WDR81: variants seen among roughly 807,000 people sequenced by gnomAD.
WDR81 encodes the protein WD repeat domain 81, also known as WD repeat-containing protein 81.
A neutral mutation model predicts 140.8 loss-of-function variants in WDR81; 92 were observed. The observed-to-expected ratio is 0.65, with a 90% CI of 0.55 to 0.78. WDR81 has a LOEUF of 0.78. Ranked by LOEUF, WDR81 falls within the 30% of genes least tolerant of loss-of-function variation. The probability of loss-of-function intolerance (pLI) is 0.00; values close to 1 mark genes in which losing one functional copy is unlikely to be tolerated. For missense variants in WDR81, 2,502 were observed against 2,636.4 expected (o/e 0.95, Z 1.12); for synonymous variants, 1,183 against 1,156.4 (o/e 1.02, Z -0.47).
rs1389419802 is a variant in WDR81, at chr17:1,725,230, C to T, written c.271C>T (p.Leu91=). Residue 91 remains leucine, a synonymous_variant, in exon 1 of 10, where the codon CTG becomes TTG. Coordinates refer to ENST00000409644, the MANE Select transcript of WDR81 (RefSeq NM_001163809.2). ...GLGEAEVRTL[L]QRSVQRLPAG... ...GGGAGAAGCGGAAGTCAGGACTCTC[C>T]TGCAGCGCTCTGTGCAAAGGCTGCC... 1.9e-6 allele frequency: 3 copies of T among 1,540,734 alleles called. No individual in the cohort carries two copies. Among genetic ancestry groups the T allele is most frequent in the South Asian group, 1.2e-5 (1 of 84,066 alleles).
Position 1,734,329 on chromosome 17 carries a change from C to T in WDR81, c.5179+113C>T, listed in dbSNP as rs183276785. The stretch of plus-strand genomic sequence containing the variant: ...TGCTGCGGAGTTTGGGGAGACCCAG[C>T]GAGGCCGCCTAGGAGAACAGTTAGG... On this transcript the variant is annotated intron_variant, in intron 7 of 9. Coordinates refer to ENST00000409644, the MANE Select transcript of WDR81 (RefSeq NM_001163809.2). 7.0e-6 allele frequency: 9 copies of T among 1,277,766 alleles called. No individual in the cohort carries two copies. The Admixed American group carries it at 8.8e-5, about 12-fold the overall frequency. The allele number at this position is 1,277,766 out of a possible 1,614,324, so 79.2% of individuals were successfully genotyped here.
chr17:1,726,815 G>A lies in WDR81; in HGVS notation c.1856G>A (p.Arg619Gln), dbSNP rs1374789355. The change falls in exon 1 of 10, where the codon CGG (arginine) becomes CAG (glutamine). Residue 619 changes from arginine (R) to glutamine (Q), a missense_variant. This residue lies in a region of WDR81 where 1,737 missense variants were observed against 1,843.0 expected (regional missense o/e 0.94). Transcript: ENST00000409644. ...LVQTIQETTGREDFTENPGQL... is the reference protein window; with the variant it reads ...LVQTIQETTGQEDFTENPGQL... ...CAGACCATCCAGGAGACCACAGGCCGGGAGGACTTCACGGAAAACCCGGGA... is the reference window on the plus strand; with the variant it reads ...CAGACCATCCAGGAGACCACAGGCCAGGAGGACTTCACGGAAAACCCGGGA... 1.2e-5 allele frequency: 19 copies of A among 1,549,582 alleles called. No homozygotes were observed. Among genetic ancestry groups the A allele is most frequent in the Middle Eastern group, 1.7e-4 (1 of 6,014 alleles).
chr17:1,730,800 C>T lies in WDR81; in HGVS notation c.3821C>T (p.Pro1274Leu), dbSNP rs371886257. The change falls in exon 3 of 10, where the codon CCG becomes CTG. Residue 1274 changes from proline (P) to leucine (L), a missense_variant. Pro to Leu is a moderately conservative substitution (Grantham distance 98). Transcript: ENST00000409644. Reference protein sequence around the residue: ...QFTVSSGESPPLSAGNIYQKR... With the variant: ...QFTVSSGESPLLSAGNIYQKR... ...ACAGTGAGCAGTGGCGAGAGCCCAC[C>T]GCTGAGCGCCGGCAACATCTACCAG... The T allele has an allele frequency of 1.2e-5, 19 of 1,612,282 alleles. No individual in the cohort carries two copies. The highest frequency in any genetic ancestry group is 5.5e-5 in the South Asian group (5 of 91,070).
chr17:1,722,755 T>C (rs1189083749), upstream of WDR81, among the ~76,000 whole-genome samples: 82 of 146,852 alleles, frequency 5.6e-4, no homozygotes, highest in East Asian at 2.7e-3. Flanking sequence ...TGCAGTGGTG[T>C]GATCTCAGCT....
chr17:1,722,787 G>A (rs2151157635), upstream of WDR81, among the ~76,000 whole-genome samples: 1 of 151,380 alleles, frequency 6.6e-6, no homozygotes, highest in South Asian at 2.1e-4. Flanking sequence ...CCGCCTCCCA[G>A]GTTCAAGCGA....
rs760298834 is a variant in WDR81 at position 1,736,228 on chromosome 17, C to T, written c.5505+10C>T. The T allele has an allele frequency of 1.8e-5, 28 of 1,591,580 alleles. No homozygotes were observed. Among genetic ancestry groups the T allele is most frequent in the South Asian group, 4.4e-5 (4 of 90,360 alleles). On this transcript the variant is annotated intron_variant, in intron 9 of 9. Coordinates refer to ENST00000409644, the MANE Select transcript of WDR81 (RefSeq NM_001163809.2). Reference sequence around the variant, plus strand: ...CATTCTGCAGATCAAGGTGACGGGCCGGGTCTCCCTCCCCTTGCTGCCCAA... The same window carrying T: ...CATTCTGCAGATCAAGGTGACGGGCTGGGTCTCCCTCCCCTTGCTGCCCAA...
chr17:1,728,183 A>C lies in WDR81; in HGVS notation c.3224A>C (p.Asp1075Ala). ...TACACGTCTGGCGTCAGCTTCCACGACCAGGCTGACCTCCCTGAGACAGAG... is the reference window on the plus strand; with the variant it reads ...TACACGTCTGGCGTCAGCTTCCACGCCCAGGCTGACCTCCCTGAGACAGAG... The part of the protein sequence containing the change: ...PDYTSGVSFH[D>A]QADLPETEDF... The change falls in exon 1 of 10, where the codon GAC (aspartate) becomes GCC (alanine). Residue 1075 changes from aspartate (D) to alanine (A), a missense_variant. Transcript: ENST00000409644. 1 of 1,605,300 alleles carries C rather than the reference A, an allele frequency of 6.2e-7. No individual in the cohort carries two copies.
upstream of WDR81, among the ~76,000 whole-genome samples, chr17:1,719,777 C>G (rs942276484): frequency 6.6e-6 from 1 of 151,380 alleles, no homozygotes; most frequent in Admixed American, 6.6e-5. Context: ...CTGAGGCAGG[C>G]AGATTGCTTG....
At chr17:1,736,291 C>A in intron 9 of WDR81, 73 bp downstream of exon 9, 1 of 1,513,758 alleles carries the variant, frequency 6.6e-7, no homozygotes, top group South Asian at 1.3e-5. Context: ...TGCTTAGGGT[C>A]TGCCTGCCCG....
chr17:1,731,313 A>G, intron 4 of WDR81, 55 bp downstream of exon 4: 2 of 1,564,320 alleles, frequency 1.3e-6, no homozygotes, highest in Non-Finnish European at 1.7e-6. Flanking sequence ...GGGGCTGCCC[A>G]GGAGGGGGTG....
At chr17:1,729,037 G>A (rs529189640) in intron 1 of WDR81, among the ~76,000 whole-genome samples, 5 of 152,252 alleles carry the variant, frequency 3.3e-5, no homozygotes, top group East Asian at 1.9e-4. Flanking sequence ...GCAGTGGATC[G>A]AGCCAGGACC....
Position 1,725,492 on chromosome 17 carries a change from G to C in WDR81, c.533G>C (p.Arg178Pro), listed in dbSNP as rs1251093261. ...PSAVPALDSV[R>P]QALQRVYGCS... is the part of the protein sequence containing the mutation. Reference sequence around the variant, plus strand: ...GCTGTCCCTGCCTTGGACTCAGTACGGCAGGCTCTGCAGAGGGTCTATGGT... The same window carrying C: ...GCTGTCCCTGCCTTGGACTCAGTACCGCAGGCTCTGCAGAGGGTCTATGGT... The change falls in exon 1 of 10, where the codon CGG becomes CCG. Residue 178 changes from arginine to proline, a missense_variant. Physicochemically the swap from Arg to Pro is moderately radical, Grantham distance 103. Coordinates refer to ENST00000409644, the MANE Select transcript of WDR81 (RefSeq NM_001163809.2). 14 of 1,547,434 alleles carry C rather than the reference G, an allele frequency of 9.0e-6. No homozygotes were observed. The highest frequency in any genetic ancestry group is 1.1e-5 in the Non-Finnish European group (13 of 1,146,894).
chr17:1,730,601 C>T, intron 2 of WDR81, 114 bp downstream of exon 2: 2 of 1,403,988 alleles, frequency 1.4e-6, no homozygotes, highest in African/African-American at 1.4e-5. Context: ...CACCCCCCGG[C>T]CAGGTGCTGG....
chr17:1,732,935 G>T, intron 6 of WDR81, 104 bp downstream of exon 6: 1 of 1,432,844 alleles, frequency 7.0e-7, no homozygotes, highest in Non-Finnish European at 9.4e-7. Flanking sequence ...GGTTCTAAGA[G>T]CCAGCAGGAT....
chr17:1,716,565 G>GT (rs1370427860), exon 1 of WDR81: 11 of 1,551,408 alleles, frequency 7.1e-6, no homozygotes, highest in Admixed American at 3.9e-5. Context: ...CGGCGTCTGC[G>GT]TTTGCAATGC....
chr17:1,733,161 G>A (rs1321794298), intron 6 of WDR81, among the ~76,000 whole-genome samples: 2 of 152,122 alleles, frequency 1.3e-5, no homozygotes, highest in Non-Finnish European at 1.5e-5. Context: ...GGCCCTGCAC[G>A]GTGCTGTGCT....
Position 1,727,012 on chromosome 17 carries a change from G to GCGTCCC in WDR81, c.2055_2060dup (p.Ser686_Pro687dup), listed in dbSNP as rs1216264454. On this transcript the variant is annotated inframe_insertion, in exon 1 of 10. Transcript: ENST00000409644. ...TGACCAGCTGGGCTCCTCCAGTCAA[G>GCGTCCC]CGTCCCCTGGACTTCTCTCTTTCTC... 4.5e-6 allele frequency: 7 copies of GCGTCCC among 1,550,404 alleles called. No homozygotes were observed. In the South Asian group the frequency reaches 8.3e-5, roughly 18 times the overall value.
chr17:1,728,739 G>A, intron 1 of WDR81, 113 bp downstream of exon 1: 2 of 1,318,640 alleles, frequency 1.5e-6, no homozygotes, highest in Admixed American at 3.2e-5. Context: ...CGGATCACAA[G>A]GTCAGGAGAT....
At chr17:1,734,733 C>A (rs538897469) in intron 7 of WDR81, among the ~76,000 whole-genome samples, 1 of 150,578 alleles carries the variant, frequency 6.6e-6, no homozygotes, top group Non-Finnish European at 1.5e-5. Flanking sequence ...GAGCCGAGAT[C>A]GCACCACTGC....
Sources: gnomAD v4.1 joint callset for allele counts (sites outside exome capture counted in the v4.1 genomes callset) on GRCh38, gnomAD v4.1.1 for gene constraint, gnomAD v4.1.1 regional missense constraint, MANE v1.5 for transcripts, NCBI Gene and HGNC (gene_info 2026-07-23, HGNC 2026-07-21) for gene names.